The following SLC12A7 variants were observed in gnomAD, a reference collection of about 807,000 sequenced individuals.
SLC12A7 encodes solute carrier family 12 member 7, also known as K-Cl cotransporter 4.
In SLC12A7, 100 loss-of-function variants were observed where a neutral mutation model predicts 120.6. The observed-to-expected ratio is 0.83, with a 90% CI of 0.71 to 0.98. SLC12A7 has a LOEUF of 0.98. Ranked by LOEUF, SLC12A7 falls within the 50% of genes least tolerant of loss-of-function variation. SLC12A7 has a pLI of 0.00. For synonymous variants in SLC12A7, 760 were observed against 678.0 expected (o/e 1.12, Z -1.88); for missense variants, 1,373 against 1,548.1 (o/e 0.89, Z 1.90).
At chr5:1,107,085 G>C (rs1308479848) in intron 1 of SLC12A7, among the ~76,000 whole-genome samples, 1 of 152,226 alleles carries the variant, frequency 6.6e-6, no homozygotes, top group African/African-American at 2.4e-5. Context: ...CACGGGTTCA[G>C]TGAACGCTGA....
intron 1 of SLC12A7, among the ~76,000 whole-genome samples, chr5:1,100,604 C>T (rs1451312247): frequency 1.3e-5 from 2 of 152,208 alleles, no homozygotes; most frequent in South Asian, 2.1e-4. Flanking sequence ...ACGGCGCCCT[C>T]GGGGAGACCG....
intron 1 of SLC12A7, among the ~76,000 whole-genome samples, chr5:1,095,369 C>T (rs1671248134): frequency 6.6e-6 from 1 of 152,218 alleles, no homozygotes; most frequent in African/African-American, 2.4e-5. Flanking sequence ...ATGGTCAGAA[C>T]AGGGTCTGCA....
intron 1 of SLC12A7, among the ~76,000 whole-genome samples, chr5:1,099,689 C>T (rs1741807856): frequency 1.3e-5 from 2 of 152,202 alleles, no homozygotes; most frequent in South Asian, 2.1e-4. Context: ...CTGTAAAGGC[C>T]GGCTCCTTTC....
the SLC12A7 span, among the ~76,000 whole-genome samples, chr5:1,134,719 G>A: frequency 0.3 from 45,140 of 152,008 alleles, 8,548 homozygotes; most frequent in African/African-American, 0.54. Flanking sequence ...TTGCACACCC[G>A]TGATTAGAGC....
chr5:1,058,320 T>C (rs1320916855), intron 21 of SLC12A7, among the ~76,000 whole-genome samples: 2 of 152,210 alleles, frequency 1.3e-5, no homozygotes, highest in East Asian at 3.9e-4. Context: ...CACCCTCCAC[T>C]GGGTTCTCAT....
At chr5:1,137,663 C>G in the SLC12A7 span, among the ~76,000 whole-genome samples, 1 of 152,262 alleles carries the variant, frequency 6.6e-6, no homozygotes, top group African/African-American at 2.4e-5. Flanking sequence ...CGCCCCAGGA[C>G]TTCGCACGGC....
At chr5:1,123,651 G>A in the SLC12A7 span, among the ~76,000 whole-genome samples, 8 of 152,374 alleles carry the variant, frequency 5.3e-5, no homozygotes, top group South Asian at 4.1e-4. Flanking sequence ...CGGGGGCCGC[G>A]GTCAGCTTCT....
rs758100457 is a variant in SLC12A7 at position 1,077,885 on chromosome 5, GCCC to G, written c.1574_1576del (p.Gly525del). On this transcript the variant is annotated inframe_deletion, in exon 12 of 24. Coordinates refer to ENST00000264930, the MANE Select transcript of SLC12A7 (RefSeq NM_006598.3). ...GGCAATGGCCTGCAGTAGGCGCGGT[GCCC>G]CCGTGAGGCTCTGCAGGCCGGCACC... The G allele has an allele frequency of 6.3e-7, 1 of 1,598,202 alleles. No individual in the cohort carries two copies. Among genetic ancestry groups the G allele is most frequent in the Non-Finnish European group, 8.5e-7 (1 of 1,173,236 alleles).
At chr5:1,146,601 G>A in the SLC12A7 span, among the ~76,000 whole-genome samples, 2 of 152,072 alleles carry the variant, frequency 1.3e-5, no homozygotes, top group Non-Finnish European at 2.9e-5. This position sits in a 1 kb window ranked among gnomAD's most constrained non-coding sequence, Gnocchi z 6.5. Context: ...GCCTCATGCC[G>A]CCCTCCTCCC....
At chr5:1,137,278 C>T in the SLC12A7 span, among the ~76,000 whole-genome samples, 4 of 152,168 alleles carry the variant, frequency 2.6e-5, no homozygotes, top group South Asian at 2.1e-4. Context: ...CCACTTCCTG[C>T]GTAGCCCCCT....
chr5:1,085,187 C>T, intron 7 of SLC12A7, 45 bp downstream of exon 7: 1 of 1,598,274 alleles, frequency 6.3e-7, no homozygotes, highest in South Asian at 1.1e-5. Context: ...TGGGACCTGG[C>T]CCCAGCCCCA....
At chr5:1,107,837 T>C (rs1742648883) in intron 1 of SLC12A7, among the ~76,000 whole-genome samples, 1 of 152,088 alleles carries the variant, frequency 6.6e-6, no homozygotes, top group African/African-American at 2.4e-5. Flanking sequence ...GGTCTCCTCA[T>C]ATGATCAGAG....
intron 17 of SLC12A7, among the ~76,000 whole-genome samples, chr5:1,068,646 G>C (rs1306198593): frequency 1.3e-5 from 2 of 152,242 alleles, no homozygotes; most frequent in Non-Finnish European, 2.9e-5. Context: ...GAGAGCAGCG[G>C]GGGCAGGGTG....
chr5:1,060,239 C>T, intron 21 of SLC12A7, 105 bp downstream of exon 21: 2 of 845,626 alleles, frequency 2.4e-6, no homozygotes, highest in South Asian at 1.5e-5. Context: ...GAGGCATGCT[C>T]TCTGGAGGAC....
intron 1 of SLC12A7, among the ~76,000 whole-genome samples, chr5:1,100,747 G>A (rs538950981): frequency 4.1e-4 from 62 of 152,220 alleles, no homozygotes; most frequent in Non-Finnish European, 8.1e-4. Flanking sequence ...CCCAACTGAG[G>A]GGCATTCTCT....
At chr5:1,093,122 T>C (rs1230054895) in intron 3 of SLC12A7, among the ~76,000 whole-genome samples, 1 of 152,104 alleles carries the variant, frequency 6.6e-6, no homozygotes, top group Non-Finnish European at 1.5e-5. Context: ...CTAAGTGTCC[T>C]GGACAGGAAA....
chr5:1,076,070 C>A, intron 14 of SLC12A7, 68 bp downstream of exon 14: 1 of 1,375,538 alleles, frequency 7.3e-7, no homozygotes, highest in Non-Finnish European at 1.0e-6. Context: ...TGAGCGGCCT[C>A]ACCAGTGGCA....
At chr5:1,126,197 C>T in the SLC12A7 span, among the ~76,000 whole-genome samples, 1 of 152,166 alleles carries the variant, frequency 6.6e-6, no homozygotes, top group South Asian at 2.1e-4. Context: ...TCTCGTGTCT[C>T]AGCCTCCCAA....
At chr5:1,112,103 G>C, upstream of SLC12A7, 1 of 1,136,090 alleles carries the variant, frequency 8.8e-7, no homozygotes, top group South Asian at 4.5e-5. Flanking sequence ...GCCCCGCCCC[G>C]CCCGGGCCAC....
Sources: allele counts gnomAD v4.1 joint callset (sites outside exome capture counted in the v4.1 genomes callset), GRCh38; gene constraint gnomAD v4.1.1; non-coding constraint Gnocchi (gnomAD v3.1); transcripts MANE v1.5; gene names NCBI Gene and HGNC (gene_info 2026-07-23, HGNC 2026-07-21).